Variants in ZNF385B observed in about 807,000 individuals in gnomAD.
ZNF385B encodes zinc finger protein 533.
In ZNF385B, 23 loss-of-function variants were observed where a neutral mutation model predicts 39.2. That is an observed-to-expected ratio of 0.59 (90% CI 0.42 to 0.83). ZNF385B has a LOEUF of 0.83. Ranked by LOEUF, ZNF385B falls within the 40% of genes least tolerant of loss-of-function variation. The probability of loss-of-function intolerance (pLI) is 0.00; values close to 1 mark genes in which losing one functional copy is unlikely to be tolerated. For synonymous variants in ZNF385B, 205 were observed against 222.6 expected (o/e 0.92, Z 0.70); for missense variants, 552 against 598.9 (o/e 0.92, Z 0.82).
At chr2:179,643,551 T>C (rs1692451870) in intron 3 of ZNF385B, among the ~76,000 whole-genome samples, 1 of 152,168 alleles carries the variant, frequency 6.6e-6, no homozygotes. Context: ...ATGAACTATT[T>C]ATACCTGCAA....
chr2:179,694,939 A>G (rs1226535937), intron 3 of ZNF385B, among the ~76,000 whole-genome samples: 1 of 145,886 alleles, frequency 6.9e-6, no homozygotes, highest in Non-Finnish European at 1.5e-5. Flanking sequence ...CAAAAAAGAA[A>G]AAAGAAAAAA....
intron 3 of ZNF385B, among the ~76,000 whole-genome samples, chr2:179,659,541 T>C (rs1226144700): frequency 6.6e-6 from 1 of 151,910 alleles, no homozygotes; most frequent in Non-Finnish European, 1.5e-5. Context: ...TTGTATAATA[T>C]ACAATTATGA....
At chr2:179,595,598 G>C (rs1476584787) in intron 3 of ZNF385B, among the ~76,000 whole-genome samples, 1 of 151,638 alleles carries the variant, frequency 6.6e-6, no homozygotes, top group Non-Finnish European at 1.5e-5. Flanking sequence ...CAAGCTAAAG[G>C]TTGTTTTTCA....
intron 1 of ZNF385B, among the ~76,000 whole-genome samples, chr2:179,842,777 T>C (rs1708603518): frequency 6.6e-6 from 1 of 152,166 alleles, no homozygotes; most frequent in Non-Finnish European, 1.5e-5. Flanking sequence ...AGCCTCATAG[T>C]TTTGCACATG....
chr2:179,663,251 A>T (rs1694706906), intron 3 of ZNF385B, among the ~76,000 whole-genome samples: 1 of 152,174 alleles, frequency 6.6e-6, no homozygotes, highest in Non-Finnish European at 1.5e-5. Context: ...GGGACACCAG[A>T]ATTGCTTAAC....
chr2:179,580,961 GGCAAGGTTA>G (rs1401449879), intron 3 of ZNF385B, among the ~76,000 whole-genome samples: 1 of 152,142 alleles, frequency 6.6e-6, no homozygotes, highest in African/African-American at 2.4e-5. Flanking sequence ...GAATGTCCTA[GGCAAGGTTA>G]GCATGAATGG....
chr2:179,849,770 G>A (rs558781015), intron 1 of ZNF385B, among the ~76,000 whole-genome samples: 171 of 152,274 alleles, frequency 1.1e-3, no homozygotes, highest in African/African-American at 3.8e-3. Flanking sequence ...AAGTCAAGGG[G>A]TCTGCCCTCA....
chr2:179,688,445 G>A (rs537828837), intron 3 of ZNF385B, among the ~76,000 whole-genome samples: 35 of 152,024 alleles, frequency 2.3e-4, no homozygotes, highest in African/African-American at 7.7e-4. Flanking sequence ...ACCAGCCTGG[G>A]CAACAAAGTG....
intron 4 of ZNF385B, among the ~76,000 whole-genome samples, chr2:179,532,126 A>T (rs990307828): frequency 1.3e-5 from 2 of 152,216 alleles, no homozygotes; most frequent in Non-Finnish European, 2.9e-5. Context: ...TTTGATTTAT[A>T]ATTATTCTCA....
Position 179,443,304 on chromosome 2 carries a change from AG to A in ZNF385B, c.1406del (p.Pro469LeufsTer27). On this transcript the variant is annotated frameshift_variant, in exon 10 of 10. Coordinates refer to ENST00000410066, the MANE Select transcript of ZNF385B (RefSeq NM_152520.6). LOFTEE classifies it high-confidence loss of function. ...GAGTGGCGCGGATGGGCCCATGCCC[AG>A]GCCTCAGAAGAGCTGGAGGAATGGC... ...APAIPPALLR[P>X]GHGPIRATPA... 6.2e-7 allele frequency: 1 copy of A among 1,612,810 alleles called. No individual in the cohort carries two copies. Among genetic ancestry groups the A allele is most frequent in the Non-Finnish European group, 8.5e-7 (1 of 1,179,970 alleles).
At chr2:179,456,888 C>T (rs1479589678) in intron 6 of ZNF385B, among the ~76,000 whole-genome samples, 1 of 152,002 alleles carries the variant, frequency 6.6e-6, no homozygotes. Context: ...ACTATCTGTA[C>T]TTTTAAACTT....
chr2:179,663,044 G>A (rs1030889578), intron 3 of ZNF385B, among the ~76,000 whole-genome samples: 2 of 152,184 alleles, frequency 1.3e-5, no homozygotes, highest in Non-Finnish European at 2.9e-5. Flanking sequence ...TTTCAATTCT[G>A]TCTTTAATAT....
At chr2:179,729,755 G>T (rs886392852) in intron 3 of ZNF385B, among the ~76,000 whole-genome samples, 1 of 152,180 alleles carries the variant, frequency 6.6e-6, no homozygotes, top group African/African-American at 2.4e-5. Context: ...CAGGTGGGAG[G>T]TGATTGGATC....
chr2:179,808,291 C>T (rs1338346365), intron 1 of ZNF385B, among the ~76,000 whole-genome samples: 5 of 152,150 alleles, frequency 3.3e-5, no homozygotes, highest in Non-Finnish European at 7.3e-5. Flanking sequence ...CTTGGCCTCC[C>T]AAAGTGCTGG....
At chr2:179,756,262 A>C (rs1218308249) in intron 3 of ZNF385B, among the ~76,000 whole-genome samples, 1 of 152,162 alleles carries the variant, frequency 6.6e-6, no homozygotes, top group Non-Finnish European at 1.5e-5. Flanking sequence ...TGGATATGAA[A>C]TTCTGGGTTG....
chr2:179,745,961 A>G (rs571532833), intron 3 of ZNF385B: 2 of 1,225,274 alleles, frequency 1.6e-6, no homozygotes, highest in African/African-American at 3.1e-5. Flanking sequence ...TTAGGGAAGG[A>G]CAAGCACACT....
At chr2:179,787,194 C>T (rs772849384) in intron 1 of ZNF385B, among the ~76,000 whole-genome samples, 14 of 151,774 alleles carry the variant, frequency 9.2e-5, no homozygotes, top group East Asian at 3.9e-4. Context: ...TAATTTTGTT[C>T]GTAATGATTT....
At chr2:179,786,896 TGA>T (rs1705039585) in intron 1 of ZNF385B, among the ~76,000 whole-genome samples, 1 of 152,138 alleles carries the variant, frequency 6.6e-6, no homozygotes, top group Non-Finnish European at 1.5e-5. Flanking sequence ...CAGCAGTGTA[TGA>T]GAGTGTTTAT....
chr2:179,772,626 TA>T (rs1255743226), intron 1 of ZNF385B, among the ~76,000 whole-genome samples: 1 of 152,236 alleles, frequency 6.6e-6, no homozygotes, highest in Non-Finnish European at 1.5e-5. Context: ...TTTCTAGGCT[TA>T]TAATATGTGT....
Sources: allele counts gnomAD v4.1 joint callset (sites outside exome capture counted in the v4.1 genomes callset), GRCh38; gene constraint gnomAD v4.1.1; transcripts MANE v1.5; gene names NCBI Gene and HGNC (gene_info 2026-07-23, HGNC 2026-07-21).